The following GABRG3 variants were observed in gnomAD, a reference collection of about 807,000 sequenced individuals.
GABRG3 encodes the protein gamma-aminobutyric acid receptor subunit gamma-3.
A neutral mutation model predicts 48.8 loss-of-function variants in GABRG3; 25 were observed. The ratio of observed to expected loss-of-function variants is 0.51; its 90% CI spans 0.37 to 0.72. The LOEUF is 0.72. GABRG3 is among the 30% of genes least tolerant of loss of function. The pLI is 0.00. For synonymous variants in GABRG3, 227 were observed against 217.6 expected (o/e 1.04, Z -0.38); for missense variants, 394 against 577.9 (o/e 0.68, Z 3.26).
At chr15:27,223,203 T>G (rs1690678958) in intron 3 of GABRG3, among the ~76,000 whole-genome samples, 1 of 152,244 alleles carries the variant, frequency 6.6e-6, no homozygotes, top group Non-Finnish European at 1.5e-5. Flanking sequence ...TGTAGTATTT[T>G]GTTTATTGTG....
chr15:27,288,717 GAAA>G (rs35366869), intron 3 of GABRG3, among the ~76,000 whole-genome samples: 82 of 84,932 alleles, frequency 9.7e-4, no homozygotes, highest in African/African-American at 2.1e-3. Flanking sequence ...CCGTCTCACA[GAAA>G]AAAAAAAAAA....
At chr15:27,354,111 C>T (rs534410478) in intron 5 of GABRG3, among the ~76,000 whole-genome samples, 1 of 152,124 alleles carries the variant, frequency 6.6e-6, no homozygotes, top group African/African-American at 2.4e-5. Context: ...AGCTGGATGC[C>T]TTTGGGGAAT....
intron 5 of GABRG3, among the ~76,000 whole-genome samples, chr15:27,479,508 G>GA (rs1890043896): frequency 2.0e-5 from 3 of 151,992 alleles, no homozygotes; most frequent in African/African-American, 7.3e-5. Flanking sequence ...AGGCAGAGAG[G>GA]GAAAAAAATG....
rs537400459 is a variant in GABRG3, at chr15:27,411,194, C to G, written c.575-69456C>G. ...CTCAGGCATCCAGGATGTTAAACGA[C>G]TGTGGTTAGTAGTTTTGGACAAACA... On this transcript the variant is annotated intron_variant, in intron 5 of 9. Transcript: ENST00000615808. Among the ~76,000 whole-genome samples the G allele has an allele frequency of 6.6e-5, 10 of 152,268 alleles. No homozygotes were observed. In the East Asian group the frequency reaches 1.9e-3, roughly 29 times the overall value.
At chr15:27,277,558 G>A (rs940730669) in intron 3 of GABRG3, among the ~76,000 whole-genome samples, 4 of 152,048 alleles carry the variant, frequency 2.6e-5, no homozygotes, top group East Asian at 1.9e-4. Context: ...ATTCCCAGAC[G>A]TTCATTGTTC....
chr15:27,077,034 C>T (rs1367842210), intron 3 of GABRG3, among the ~76,000 whole-genome samples: 1 of 152,184 alleles, frequency 6.6e-6, no homozygotes, highest in Non-Finnish European at 1.5e-5. Context: ...CTGATGATCC[C>T]CAATAGCCTT....
intron 5 of GABRG3, among the ~76,000 whole-genome samples, chr15:27,468,103 A>G (rs544937288): frequency 9.2e-5 from 14 of 152,332 alleles, no homozygotes; most frequent in African/African-American, 3.4e-4. Flanking sequence ...GGAAGTCCCC[A>G]TACACCTGTG....
At chr15:27,436,259 G>A (rs1467858227) in intron 5 of GABRG3, among the ~76,000 whole-genome samples, 3 of 152,182 alleles carry the variant, frequency 2.0e-5, no homozygotes, top group Non-Finnish European at 4.4e-5. Context: ...AGCTCTTTCT[G>A]TCTCTTCTTA....
chr15:27,046,266 T>C (rs1896363315), intron 3 of GABRG3, among the ~76,000 whole-genome samples: 1 of 151,746 alleles, frequency 6.6e-6, no homozygotes. Flanking sequence ...GCTAATTTTT[T>C]TTTTTTTTTT....
chr15:27,067,997 A>G (rs1896766144), intron 3 of GABRG3, among the ~76,000 whole-genome samples: 1 of 152,226 alleles, frequency 6.6e-6, no homozygotes, highest in South Asian at 2.1e-4. Flanking sequence ...TAGAGTGCAC[A>G]GAAGAATACA....
intron 3 of GABRG3, among the ~76,000 whole-genome samples, chr15:27,161,699 A>C (rs974116987): frequency 2.0e-5 from 3 of 151,972 alleles, no homozygotes; most frequent in Non-Finnish European, 4.4e-5. Flanking sequence ...AATTCACCTC[A>C]AATTAATTTT....
chr15:27,241,074 A>T (rs774719836), intron 3 of GABRG3, among the ~76,000 whole-genome samples: 1 of 152,208 alleles, frequency 6.6e-6, no homozygotes, highest in African/African-American at 2.4e-5. Flanking sequence ...TCAAGCATCC[A>T]TAGGAAAGGT....
chr15:27,348,448 C>G (rs1894451797), intron 5 of GABRG3, among the ~76,000 whole-genome samples: 1 of 152,214 alleles, frequency 6.6e-6, no homozygotes, highest in Admixed American at 6.5e-5. Context: ...ACTAATTTAG[C>G]CTTTAAAACA....
At chr15:27,453,598 C>CTTGT (rs537480795) in intron 5 of GABRG3, among the ~76,000 whole-genome samples, 89 of 152,130 alleles carry the variant, frequency 5.9e-4, no homozygotes, top group East Asian at 1.7e-3. Context: ...TTATTCTTTT[C>CTTGT]TTGTTTGTTT....
At position 26,993,131 on chromosome 15, in the gene GABRG3, A is replaced by T. The variant is rs574037099; in HGVS notation, c.202+15981A>T. On this transcript the variant is annotated intron_variant, in intron 2 of 9. Transcript: ENST00000615808. ...TCTTAGTCTGGCTAAAGGTTTGTCA[A>T]TTTTGTTTATCTTTTCAAAAAAACC... Among the ~76,000 whole-genome samples the T allele has an allele frequency of 2.0e-5, 3 of 151,804 alleles. No homozygotes were observed. The South Asian group carries it at 6.3e-4, about 32-fold the overall frequency.
At chr15:27,082,973 C>T (rs753000810) in intron 3 of GABRG3, among the ~76,000 whole-genome samples, 48 of 152,292 alleles carry the variant, frequency 3.2e-4, no homozygotes, top group African/African-American at 1.0e-3. Context: ...AAGTTTTCTC[C>T]GTTAACCATT....
chr15:27,319,893 G>C lies in GABRG3; in HGVS notation c.271-6916G>C, dbSNP rs529443902. On this transcript the variant is annotated intron_variant, in intron 3 of 9. Transcript: ENST00000615808. The surrounding 1 kb of genome is among the most constrained non-coding windows in gnomAD (Gnocchi z 4.4). The stretch of plus-strand genomic sequence containing the variant: ...AGTTGGAGAATATAGCATTCAATGG[G>C]ATGCGAATCTGAAAGCAGTCAGTGG... Among the ~76,000 whole-genome samples the C allele has an allele frequency of 1.2e-4, 18 of 152,304 alleles. No homozygotes were observed. The highest frequency in any genetic ancestry group is 4.3e-4 in the African/African-American group (18 of 41,568).
chr15:27,026,709 T>C, intron 2 of GABRG3, 45 bp from the exon 3 acceptor site: 1 of 1,467,570 alleles, frequency 6.8e-7, no homozygotes, highest in Non-Finnish European at 9.4e-7. Context: ...CTCCTCTGTC[T>C]TTCTCCGGCA....
At chr15:27,507,713 A>G (rs1027199204) in intron 6 of GABRG3, among the ~76,000 whole-genome samples, 14 of 152,026 alleles carry the variant, frequency 9.2e-5, no homozygotes, top group African/African-American at 3.4e-4. Flanking sequence ...ATATCCTTAC[A>G]TATTTTCTGT....
Sources: allele counts gnomAD v4.1 joint callset (sites outside exome capture counted in the v4.1 genomes callset), GRCh38; gene constraint gnomAD v4.1.1; non-coding constraint Gnocchi (gnomAD v3.1); transcripts MANE v1.5; gene names NCBI Gene and HGNC (gene_info 2026-07-23, HGNC 2026-07-21).